Variants in CSMD1 observed in about 807,000 individuals in gnomAD.
CSMD1 encodes the protein CUB and sushi domain-containing protein 1.
CSMD1 carries 213 observed loss-of-function variants against 417.5 expected under a neutral mutation model. The ratio of observed to expected loss-of-function variants is 0.51; its 90% CI spans 0.46 to 0.57. The LOEUF is 0.57. Among genes scored for constraint, CSMD1 ranks in the 20% least tolerant of loss-of-function variants. CSMD1 has a pLI of 0.00. For synonymous variants in CSMD1, 2,862 were observed against 1,736.8 expected (o/e 1.65, Z -16.11); for missense variants, 6,923 against 4,529.7 (o/e 1.53, Z -15.17).
rs1420433528 is a variant in CSMD1 at position 3,018,532 on chromosome 8, A to G, written c.7974T>C (p.His2658=). ...GCCCATTTGCCAAGCACTCTCTGAC[A>G]TGAGACCCCACAAGCGTGTAGCCGG... ...CNTGYTLVGS[H]VRECLANGLW... is the part of the protein sequence containing the mutation. Residue 2658 remains histidine (H), a synonymous_variant, in exon 52 of 70, where the codon CAT becomes CAC. Coordinates refer to ENST00000635120, the MANE Select transcript of CSMD1 (RefSeq NM_033225.6). 2 of 1,613,940 alleles carry G rather than the reference A, an allele frequency of 1.2e-6. No homozygotes were observed. Among genetic ancestry groups the G allele is most frequent in the Non-Finnish European group, 1.7e-6 (2 of 1,179,872 alleles).
chr8:3,240,655 G>C (rs939029086), intron 26 of CSMD1, among the ~76,000 whole-genome samples: 1 of 152,102 alleles, frequency 6.6e-6, no homozygotes, highest in Non-Finnish European at 1.5e-5. Context: ...AGTGAAGAGA[G>C]GCTGGAATGA....
At chr8:4,429,880 C>T (rs941334924) in intron 2 of CSMD1, among the ~76,000 whole-genome samples, 16 of 151,966 alleles carry the variant, frequency 1.1e-4, no homozygotes, top group Non-Finnish European at 1.6e-4. Context: ...ATGAGGGAAT[C>T]CTCTCCTCCA....
At chr8:4,334,870 G>A (rs6995386) in intron 3 of CSMD1, among the ~76,000 whole-genome samples, 8,497 of 152,100 alleles carry the variant, frequency 0.056, 714 homozygotes, top group African/African-American at 0.18. Context: ...AGGCTGGGAA[G>A]TCCAAGATCA....
chr8:4,210,211 C>T (rs1800224910), intron 3 of CSMD1, among the ~76,000 whole-genome samples: 1 of 152,212 alleles, frequency 6.6e-6, no homozygotes, highest in East Asian at 1.9e-4. Context: ...CCTCCCCAAG[C>T]CAGCATGCTG....
intron 18 of CSMD1, among the ~76,000 whole-genome samples, chr8:3,385,373 T>G (rs1370349412): frequency 2.0e-5 from 3 of 151,424 alleles, no homozygotes; most frequent in Non-Finnish European, 4.4e-5. Flanking sequence ...ATGTTTTTAT[T>G]GTATTTCTAA....
At chr8:4,023,419 T>A (rs1358045068) in intron 4 of CSMD1, among the ~76,000 whole-genome samples, 1 of 152,116 alleles carries the variant, frequency 6.6e-6, no homozygotes, top group Non-Finnish European at 1.5e-5. Context: ...TCATTATGAA[T>A]AATTGAGGCA....
At chr8:4,598,119 T>C (rs1298861387) in intron 2 of CSMD1, among the ~76,000 whole-genome samples, 2 of 152,172 alleles carry the variant, frequency 1.3e-5, no homozygotes. Flanking sequence ...AAACTTCCCC[T>C]GTATCTCTTT....
intron 3 of CSMD1, among the ~76,000 whole-genome samples, chr8:4,139,427 G>T (rs1803640677): frequency 6.9e-6 from 1 of 144,536 alleles, no homozygotes; most frequent in African/African-American, 2.9e-5. Flanking sequence ...TGGAGGTAAA[G>T]AACGAAGGAA....
At chr8:4,428,267 G>A (rs548583567) in intron 2 of CSMD1, among the ~76,000 whole-genome samples, 2 of 152,158 alleles carry the variant, frequency 1.3e-5, no homozygotes, top group Non-Finnish European at 2.9e-5. Context: ...CTTGATACAA[G>A]GAAAATCAGG....
At chr8:4,764,483 T>C (rs560220063) in intron 1 of CSMD1, among the ~76,000 whole-genome samples, 110 of 152,244 alleles carry the variant, frequency 7.2e-4, no homozygotes, top group Non-Finnish European at 1.3e-3. Context: ...AAGTATTAAG[T>C]CGAGAAGACA....
chr8:3,017,778 C>T (rs1585158236), intron 52 of CSMD1, among the ~76,000 whole-genome samples: 1 of 133,546 alleles, frequency 7.5e-6, no homozygotes, highest in African/African-American at 2.9e-5. Flanking sequence ...AAGCTTAAAG[C>T]TCCCAGTTTC....
intron 8 of CSMD1, among the ~76,000 whole-genome samples, chr8:3,609,785 G>C (rs1321537868): frequency 8.6e-6 from 1 of 115,844 alleles, no homozygotes; most frequent in Non-Finnish European, 1.8e-5. Context: ...AGTCTCAAAA[G>C]AAAAGACTGT....
chr8:4,120,902 A>G (rs1802450084), intron 3 of CSMD1, among the ~76,000 whole-genome samples: 2 of 152,190 alleles, frequency 1.3e-5, no homozygotes, highest in Non-Finnish European at 2.9e-5. Context: ...CATGGAATTT[A>G]TTTAGGAATT....
rs187000853 is a variant in CSMD1, at chr8:4,428,765, G to T, written c.303-8700C>A. The stretch of plus-strand genomic sequence containing the variant: ...GAAGGAGTCTAGCTTTGTCGCCCAG[G>T]CTGGAGTGCAGTGGCGTGATCTTGG... On this transcript the variant is annotated intron_variant, in intron 2 of 69. Coordinates refer to ENST00000635120, the MANE Select transcript of CSMD1 (RefSeq NM_033225.6). 5.8e-4 allele frequency among the ~76,000 whole-genome samples: 88 copies of T among 152,138 alleles called. 1 individual carries two copies. Among genetic ancestry groups the T allele is most frequent in the Admixed American group, 3.3e-3 (50 of 15,272 alleles).
chr8:4,138,564 C>T (rs13275307), intron 3 of CSMD1, among the ~76,000 whole-genome samples: 45,062 of 151,832 alleles, frequency 0.3, 8,122 homozygotes, highest in Non-Finnish European at 0.39. Flanking sequence ...GAAAGAATCC[C>T]CTGGATCAGA....
At chr8:4,791,165 A>G (rs1797668240) in intron 1 of CSMD1, among the ~76,000 whole-genome samples, 1 of 152,162 alleles carries the variant, frequency 6.6e-6, no homozygotes, top group Non-Finnish European at 1.5e-5. Flanking sequence ...ACACATGGAG[A>G]TAAGCCAAGA....
chr8:4,094,122 G>T (rs1203228928), intron 3 of CSMD1, among the ~76,000 whole-genome samples: 1 of 152,100 alleles, frequency 6.6e-6, no homozygotes, highest in Non-Finnish European at 1.5e-5. Context: ...AACAGATGGT[G>T]CCTCCGTGTG....
chr8:4,756,135 C>G (rs1811653179), intron 1 of CSMD1, among the ~76,000 whole-genome samples: 1 of 152,134 alleles, frequency 6.6e-6, no homozygotes, highest in Non-Finnish European at 1.5e-5. Context: ...TAAGCATATT[C>G]TGTATCAATT....
intron 3 of CSMD1, among the ~76,000 whole-genome samples, chr8:4,251,083 C>G (rs566552477): frequency 1.3e-5 from 2 of 152,240 alleles, no homozygotes; most frequent in South Asian, 2.1e-4. Context: ...ATGTTGTAGT[C>G]ACATTTTCCC....
Sources: gnomAD v4.1 joint callset for allele counts (sites outside exome capture counted in the v4.1 genomes callset) on GRCh38, gnomAD v4.1.1 for gene constraint, MANE v1.5 for transcripts, NCBI Gene and HGNC (gene_info 2026-07-23, HGNC 2026-07-21) for gene names.